Variants in CNTNAP2 observed in about 807,000 individuals in gnomAD.
CNTNAP2 encodes contactin associated protein 2.
In CNTNAP2, 98 loss-of-function variants were observed where a neutral mutation model predicts 155.2. The observed-to-expected ratio is 0.63, with a 90% CI of 0.54 to 0.75. The LOEUF is 0.75. Among genes scored for constraint, CNTNAP2 ranks in the 30% least tolerant of loss-of-function variants. The probability of loss-of-function intolerance (pLI) is 0.00; values close to 1 mark genes in which losing one functional copy is unlikely to be tolerated. For missense variants in CNTNAP2, 1,727 were observed against 1,688.1 expected (o/e 1.02, Z -0.40); for synonymous variants, 651 against 631.2 (o/e 1.03, Z -0.47).
At chr7:147,125,447 T>C (rs947931764) in intron 6 of CNTNAP2, among the ~76,000 whole-genome samples, 4 of 152,322 alleles carry the variant, frequency 2.6e-5, no homozygotes, top group African/African-American at 9.6e-5. Flanking sequence ...TGAGACTGTG[T>C]GGTGATATAT....
At chr7:147,930,666 A>G (rs1456511621) in intron 14 of CNTNAP2, among the ~76,000 whole-genome samples, 1 of 152,204 alleles carries the variant, frequency 6.6e-6, no homozygotes, top group Non-Finnish European at 1.5e-5. Context: ...TCAGACAGAC[A>G]AATCAATAAG....
At chr7:147,498,994 A>G (rs1274851850) in intron 11 of CNTNAP2, among the ~76,000 whole-genome samples, 5 of 152,178 alleles carry the variant, frequency 3.3e-5, no homozygotes, top group Non-Finnish European at 5.9e-5. Context: ...TGCTGGGATC[A>G]TTTAGATTCC....
chr7:147,339,692 G>C (rs192373359), intron 9 of CNTNAP2, among the ~76,000 whole-genome samples: 1 of 126,920 alleles, frequency 7.9e-6, no homozygotes, highest in Non-Finnish European at 1.8e-5. Flanking sequence ...ATCAAAGCAA[G>C]AATTTTTTTT....
intron 13 of CNTNAP2, among the ~76,000 whole-genome samples, chr7:147,767,289 G>C (rs185706837): frequency 7.9e-5 from 12 of 151,802 alleles, no homozygotes; most frequent in African/African-American, 2.4e-4. Context: ...AACCTCAAAC[G>C]CTTCTCAGAC....
chr7:148,201,763 G>C (rs1795374626), intron 18 of CNTNAP2, among the ~76,000 whole-genome samples: 1 of 151,832 alleles, frequency 6.6e-6, no homozygotes, highest in African/African-American at 2.4e-5. Context: ...AAACTCAAAG[G>C]CACCATTAGA....
chr7:146,252,540 G>T (rs1584828754), intron 1 of CNTNAP2, among the ~76,000 whole-genome samples: 1 of 152,268 alleles, frequency 6.6e-6, no homozygotes, highest in African/African-American at 2.4e-5. Flanking sequence ...AGAACAAAAT[G>T]AGAAAATAGA....
intron 9 of CNTNAP2, among the ~76,000 whole-genome samples, chr7:147,356,032 C>G (rs2116887363): frequency 6.6e-6 from 1 of 152,150 alleles, no homozygotes; most frequent in Middle Eastern, 3.4e-3. Flanking sequence ...TGCAAAAATC[C>G]TCAATAAAAT....
chr7:146,849,107 A>T (rs1794821155), intron 3 of CNTNAP2, among the ~76,000 whole-genome samples: 2 of 152,312 alleles, frequency 1.3e-5, no homozygotes, highest in South Asian at 2.1e-4. Flanking sequence ...AAATAAAAAA[A>T]ACTCTGAAAT....
At chr7:146,245,245 C>A (rs1272233647) in intron 1 of CNTNAP2, among the ~76,000 whole-genome samples, 1 of 151,964 alleles carries the variant, frequency 6.6e-6, no homozygotes, top group Non-Finnish European at 1.5e-5. Flanking sequence ...GGTGTGGTAT[C>A]AGGAATAATG....
chr7:146,998,095 T>A (rs1798346788), intron 3 of CNTNAP2, among the ~76,000 whole-genome samples: 1 of 151,996 alleles, frequency 6.6e-6, no homozygotes, highest in Non-Finnish European at 1.5e-5. Flanking sequence ...GATATGGGTT[T>A]TTTTCTTTAG....
At chr7:147,971,999 A>C (rs1801341945) in intron 14 of CNTNAP2, among the ~76,000 whole-genome samples, 1 of 152,160 alleles carries the variant, frequency 6.6e-6, no homozygotes, top group Non-Finnish European at 1.5e-5. Context: ...AGTTTCTCCA[A>C]ATCCTTGTCA....
intron 3 of CNTNAP2, among the ~76,000 whole-genome samples, chr7:146,862,035 G>T (rs961405763): frequency 2.0e-5 from 3 of 152,014 alleles, no homozygotes; most frequent in African/African-American, 7.2e-5. Flanking sequence ...TTGTATAAAG[G>T]CTAACATGCC....
At chr7:147,230,093 A>G (rs1803643310) in intron 8 of CNTNAP2, among the ~76,000 whole-genome samples, 1 of 152,168 alleles carries the variant, frequency 6.6e-6, no homozygotes. Flanking sequence ...GGCTTCATAC[A>G]TTTACCACAT....
At chr7:146,754,267 T>G (rs935049828) in intron 1 of CNTNAP2, among the ~76,000 whole-genome samples, 3 of 151,990 alleles carry the variant, frequency 2.0e-5, no homozygotes, top group African/African-American at 7.2e-5. Context: ...AGAAAATGGT[T>G]GAAACTCTGA....
At chr7:146,283,541 A>T (rs1355024056) in intron 1 of CNTNAP2, among the ~76,000 whole-genome samples, 1 of 152,128 alleles carries the variant, frequency 6.6e-6, no homozygotes, top group Non-Finnish European at 1.5e-5. Flanking sequence ...CTGGTTCCAG[A>T]TCATTTTAAA....
chr7:148,255,841 C>T (rs760080375), intron 20 of CNTNAP2, among the ~76,000 whole-genome samples: 4 of 152,170 alleles, frequency 2.6e-5, no homozygotes, highest in Non-Finnish European at 5.9e-5. Context: ...TCTCTCGAGC[C>T]TTAAGCATTT....
intron 13 of CNTNAP2, among the ~76,000 whole-genome samples, chr7:147,802,899 C>T (rs549240306): frequency 2.7e-4 from 41 of 151,930 alleles, no homozygotes; most frequent in African/African-American, 4.1e-4. Flanking sequence ...TCTCAAAACC[C>T]TCACTTCAGA....
chr7:146,530,187 T>C (rs1181264839), intron 1 of CNTNAP2, among the ~76,000 whole-genome samples: 2 of 152,022 alleles, frequency 1.3e-5, no homozygotes, highest in African/African-American at 4.8e-5. Context: ...ATGCAGAAAA[T>C]TGAAACTAGA....
chr7:147,768,910 C>T (rs186556696), intron 13 of CNTNAP2, among the ~76,000 whole-genome samples: 272 of 152,206 alleles, frequency 1.8e-3, no homozygotes, highest in Middle Eastern at 6.8e-3. Flanking sequence ...CTGAAAAACA[C>T]AGATGTAAAA....
Sources: allele counts gnomAD v4.1 joint callset (sites outside exome capture counted in the v4.1 genomes callset), GRCh38; gene constraint gnomAD v4.1.1; transcripts MANE v1.5; gene names NCBI Gene and HGNC (gene_info 2026-07-23, HGNC 2026-07-21).